Variants in ADAMTSL3 observed in about 807,000 individuals in gnomAD.
ADAMTSL3 encodes the protein ADAMTS like 3, also known as ADAMTS-like protein 3.
In ADAMTSL3, 128 loss-of-function variants were observed where a neutral mutation model predicts 201.7. The ratio of observed to expected loss-of-function variants is 0.63; its 90% CI spans 0.55 to 0.73. ADAMTSL3 has a LOEUF of 0.73. Among genes scored for constraint, ADAMTSL3 ranks in the 30% least tolerant of loss-of-function variants. The pLI, the probability that ADAMTSL3 is intolerant of heterozygous loss-of-function variation, is 0.00. For synonymous variants in ADAMTSL3, 738 were observed against 748.4 expected (o/e 0.99, Z 0.23); for missense variants, 1,990 against 2,119.6 (o/e 0.94, Z 1.20).
chr15:83,888,607 G>A (rs56381091), intron 10 of ADAMTSL3, among the ~76,000 whole-genome samples: 2,963 of 152,234 alleles, frequency 0.019, 102 homozygotes, highest in African/African-American at 0.067. Flanking sequence ...GGTACCGGGG[G>A]TACTTGAATG....
intron 19 of ADAMTSL3, among the ~76,000 whole-genome samples, chr15:83,966,245 G>C (rs1444146585): frequency 6.6e-6 from 1 of 152,126 alleles, no homozygotes; most frequent in East Asian, 1.9e-4. Flanking sequence ...GAATCCCAGA[G>C]CTGGTATTTT....
At chr15:83,675,984 C>G (rs1398274434) in intron 2 of ADAMTSL3, among the ~76,000 whole-genome samples, 6 of 151,972 alleles carry the variant, frequency 3.9e-5, no homozygotes, top group East Asian at 3.9e-4. Context: ...CTCTTTTATT[C>G]TTTGTAATAT....
At chr15:84,014,020 G>T (rs2068046812) in intron 23 of ADAMTSL3, among the ~76,000 whole-genome samples, 1 of 152,200 alleles carries the variant, frequency 6.6e-6, no homozygotes, top group Non-Finnish European at 1.5e-5. Context: ...CCTTTACAAA[G>T]AATTAATGAA....
intron 23 of ADAMTSL3, among the ~76,000 whole-genome samples, chr15:83,993,124 T>C (rs2067614038): frequency 6.6e-6 from 1 of 152,260 alleles, no homozygotes; most frequent in African/African-American, 2.4e-5. Context: ...TTACAGTGTT[T>C]TCTTATGGGC....
rs540397582 is a variant in ADAMTSL3, at chr15:83,928,033, C to T, written c.2117+4000C>T. Among the ~76,000 whole-genome samples, 61 of 151,408 alleles carry T rather than the reference C, an allele frequency of 4.0e-4. No homozygotes were observed. In the South Asian group the frequency reaches 0.011, roughly 28 times the overall value. On this transcript the variant is annotated intron_variant, in intron 17 of 29. Coordinates refer to ENST00000286744, the MANE Select transcript of ADAMTSL3 (RefSeq NM_207517.3). Reference sequence around the variant, plus strand: ...CTCTGTTGCTCAGGCTGGAGTGCAACGGTATGATCACAGTTCACTGCAGCC... The same window carrying T: ...CTCTGTTGCTCAGGCTGGAGTGCAATGGTATGATCACAGTTCACTGCAGCC...
intron 15 of ADAMTSL3, among the ~76,000 whole-genome samples, chr15:83,906,903 T>C (rs1018850435): frequency 3.9e-5 from 6 of 151,994 alleles, no homozygotes; most frequent in African/African-American, 1.5e-4. Flanking sequence ...TCTGAAGTCA[T>C]TCTGTGTTAT....
chr15:83,798,239 T>A (rs1311412698), intron 4 of ADAMTSL3, among the ~76,000 whole-genome samples: 1 of 152,206 alleles, frequency 6.6e-6, no homozygotes, highest in African/African-American at 2.4e-5. Context: ...TACACAAACC[T>A]TAGCCTACAT....
chr15:83,972,781 A>G (rs567253284), intron 20 of ADAMTSL3, among the ~76,000 whole-genome samples: 1 of 152,184 alleles, frequency 6.6e-6, no homozygotes, highest in South Asian at 2.1e-4. Flanking sequence ...TTGGGCCCCC[A>G]CTTCAGCTGT....
At position 83,982,575 on chromosome 15, in the gene ADAMTSL3, A is replaced by G; in HGVS notation, c.2947A>G (p.Ile983Val). The G allele has an allele frequency of 6.2e-7, 1 of 1,614,180 alleles. No homozygotes were observed. The highest frequency in any genetic ancestry group is 8.5e-7 in the Non-Finnish European group (1 of 1,180,028). ...CCCCGACATCGGCGTGTACCGGTGCATTGCAGGCTCTGCACAGGAAACAGT... is the reference window on the plus strand; with the variant it reads ...CCCCGACATCGGCGTGTACCGGTGCGTTGCAGGCTCTGCACAGGAAACAGT... Reference protein sequence around the residue: ...AAPDIGVYRCIAGSAQETVVL... With the variant: ...AAPDIGVYRCVAGSAQETVVL... Residue 983 changes from isoleucine (I) to valine (V), a missense_variant, in exon 21 of 30, where the codon ATT (isoleucine) becomes GTT (valine). Coordinates refer to ENST00000286744, the MANE Select transcript of ADAMTSL3 (RefSeq NM_207517.3).
In ADAMTSL3 at chr15:83,704,416, T is replaced by C. The variant is rs1734276819; in HGVS notation, c.97T>C (p.Tyr33His). The C allele has an allele frequency of 6.2e-7, 1 of 1,614,198 alleles. No individual in the cohort carries two copies. The highest frequency in any genetic ancestry group is 8.5e-7 in the Non-Finnish European group (1 of 1,180,022). Residue 33 changes from tyrosine (Y) to histidine (H), a missense_variant, in exon 3 of 30, where the codon TAT becomes CAT. Transcript: ENST00000286744. ...CACAGCTGAGAAATCTCCTGGAGCC[T>C]ATTTCCTTCCCGAGTTTGCACTTTC... The part of the protein sequence containing the change: ...QTTAEKSPGA[Y>H]FLPEFALSPQ...
chr15:83,748,993 G>A (rs2062596478), intron 3 of ADAMTSL3, among the ~76,000 whole-genome samples: 1 of 152,140 alleles, frequency 6.6e-6, no homozygotes, highest in Non-Finnish European at 1.5e-5. Flanking sequence ...CTCATGGAAG[G>A]AAGAGAATGA....
intron 6 of ADAMTSL3, among the ~76,000 whole-genome samples, chr15:83,826,124 G>A: frequency 6.6e-6 from 1 of 150,822 alleles, no homozygotes. Context: ...TTTTTTTTTT[G>A]AGACAGGGTC....
chr15:83,942,465 G>A (rs2066578402), intron 17 of ADAMTSL3, 131 bp from the exon 18 acceptor site: 4 of 739,022 alleles, frequency 5.4e-6, no homozygotes, highest in Middle Eastern at 4.0e-4. Context: ...TGGAGATGCT[G>A]TGACTGTAGA....
At chr15:83,869,709 T>C (rs2065046419) in intron 8 of ADAMTSL3, among the ~76,000 whole-genome samples, 1 of 152,228 alleles carries the variant, frequency 6.6e-6, no homozygotes, top group Non-Finnish European at 1.5e-5. Flanking sequence ...CTTTCCATTT[T>C]TGACACTCAA....
chr15:83,707,039 A>G (rs1436418368), intron 3 of ADAMTSL3, among the ~76,000 whole-genome samples: 1 of 152,060 alleles, frequency 6.6e-6, no homozygotes, highest in African/African-American at 2.4e-5. Flanking sequence ...ATCAAATACT[A>G]TCAAACTTTT....
intron 5 of ADAMTSL3, among the ~76,000 whole-genome samples, chr15:83,808,161 C>T (rs1040708688): frequency 3.3e-5 from 5 of 151,940 alleles, no homozygotes; most frequent in African/African-American, 1.2e-4. Context: ...ACAAAGCTTA[C>T]GTACATCGAA....
At chr15:83,973,562 A>AT (rs1351096884) in intron 20 of ADAMTSL3, among the ~76,000 whole-genome samples, 2 of 152,158 alleles carry the variant, frequency 1.3e-5, no homozygotes, top group Non-Finnish European at 2.9e-5. Flanking sequence ...TATTTATGCT[A>AT]TTTTAGAGGG....
At chr15:84,004,004 A>G (rs12912812) in intron 23 of ADAMTSL3, among the ~76,000 whole-genome samples, 59,920 of 152,108 alleles carry the variant, frequency 0.39, 12,209 homozygotes, top group African/African-American at 0.5. Flanking sequence ...GTACAGTCTG[A>G]GAAAACCATG....
At chr15:83,903,949 A>G (rs868089144) in intron 15 of ADAMTSL3, among the ~76,000 whole-genome samples, 9,076 of 37,400 alleles carry the variant, frequency 0.24, 2,689 homozygotes, top group African/African-American at 0.56. Context: ...AAAAAAGAAA[A>G]AAGAAAGAAA....
Sources: gnomAD v4.1 joint callset for allele counts (sites outside exome capture counted in the v4.1 genomes callset) on GRCh38, gnomAD v4.1.1 for gene constraint, MANE v1.5 for transcripts, NCBI Gene and HGNC (gene_info 2026-07-23, HGNC 2026-07-21) for gene names.